The following SPOCK3 variants were observed in gnomAD, a reference collection of about 807,000 sequenced individuals.
SPOCK3 encodes the protein testican-3.
In SPOCK3, 30 loss-of-function variants were observed where a neutral mutation model predicts 56.6. The observed-to-expected ratio is 0.53, with a 90% CI of 0.40 to 0.72. The LOEUF (loss-of-function observed/expected upper bound fraction) is 0.72, where lower values mean the gene tolerates loss of function less well. Ranked by LOEUF, SPOCK3 falls within the 30% of genes least tolerant of loss-of-function variation. The probability of loss-of-function intolerance (pLI) is 0.00; values close to 1 mark genes in which losing one functional copy is unlikely to be tolerated. For synonymous variants in SPOCK3, 196 were observed against 183.3 expected (o/e 1.07, Z -0.56); for missense variants, 527 against 530.0 (o/e 0.99, Z 0.06).
intron 2 of SPOCK3, among the ~76,000 whole-genome samples, chr4:167,205,549 T>C (rs1286445112): frequency 3.4e-5 from 2 of 59,506 alleles, no homozygotes; most frequent in Admixed American, 3.6e-4. Context: ...ATATATTATA[T>C]AATATATAAT....
intron 2 of SPOCK3, among the ~76,000 whole-genome samples, chr4:167,177,569 T>C (rs1184191947): frequency 2.6e-5 from 4 of 151,984 alleles, no homozygotes; most frequent in African/African-American, 9.7e-5. Context: ...GGAAGAGAGC[T>C]CCAGAAGGCA....
chr4:166,785,645 CCT>C (rs746743462), intron 7 of SPOCK3, among the ~76,000 whole-genome samples: 15 of 141,264 alleles, frequency 1.1e-4, no homozygotes, highest in Non-Finnish European at 2.2e-4. Flanking sequence ...AGAAAATCCC[CCT>C]TTCTTTGTAG....
At chr4:166,871,690 C>G (rs1732495963) in intron 6 of SPOCK3, among the ~76,000 whole-genome samples, 1 of 151,638 alleles carries the variant, frequency 6.6e-6, no homozygotes. Flanking sequence ...AGAAACACTA[C>G]AAATAATATA....
intron 2 of SPOCK3, among the ~76,000 whole-genome samples, chr4:167,071,907 T>C (rs891023065): frequency 3.9e-5 from 6 of 152,090 alleles, no homozygotes; most frequent in Non-Finnish European, 7.4e-5. Context: ...TTTTTAATGA[T>C]CGCCATTCTA....
At chr4:167,233,925 C>G in intron 2 of SPOCK3, 60 bp downstream of exon 2, 2 of 1,483,300 alleles carry the variant, frequency 1.3e-6, no homozygotes, top group Non-Finnish European at 1.9e-6. Flanking sequence ...CCGGCGGCCG[C>G]GGCCCCCGCC....
At chr4:167,234,256 C>A in intron 1 of SPOCK3, 83 bp from the exon 2 acceptor site, 1 of 1,380,126 alleles carries the variant, frequency 7.2e-7, no homozygotes, top group South Asian at 1.2e-5. Context: ...CCCTGGAAAA[C>A]ATGCATTAGC....
chr4:166,739,252 A>T (rs1164254544), intron 9 of SPOCK3, among the ~76,000 whole-genome samples: 1 of 151,682 alleles, frequency 6.6e-6, no homozygotes, highest in Non-Finnish European at 1.5e-5. Flanking sequence ...TTATTTATTT[A>T]TTTTTTGAGA....
intron 6 of SPOCK3, among the ~76,000 whole-genome samples, chr4:166,858,191 T>C (rs1166291728): frequency 6.6e-6 from 1 of 152,198 alleles, no homozygotes; most frequent in Non-Finnish European, 1.5e-5. Context: ...TAATACCACA[T>C]AGATAAGAGT....
intron 6 of SPOCK3, among the ~76,000 whole-genome samples, chr4:166,871,936 A>G (rs1382105506): frequency 6.6e-6 from 1 of 151,530 alleles, no homozygotes; most frequent in Admixed American, 6.6e-5. Flanking sequence ...AATTGAGCAT[A>G]CCAATTGAGG....
chr4:167,076,229 A>G (rs1189266535), intron 2 of SPOCK3, among the ~76,000 whole-genome samples: 3 of 151,896 alleles, frequency 2.0e-5, no homozygotes, highest in Admixed American at 6.6e-5. Flanking sequence ...GATACATGCC[A>G]TTATACTTTT....
At chr4:166,818,028 G>A (rs1337841548) in intron 6 of SPOCK3, among the ~76,000 whole-genome samples, 2 of 152,020 alleles carry the variant, frequency 1.3e-5, no homozygotes, top group African/African-American at 4.8e-5. Flanking sequence ...AAGATTCAAA[G>A]AGTTAAATAA....
At chr4:166,932,628 T>A (rs1739921606) in intron 4 of SPOCK3, among the ~76,000 whole-genome samples, 2 of 152,166 alleles carry the variant, frequency 1.3e-5, no homozygotes. Context: ...TTGGTGAATG[T>A]CAACTGATTT....
intron 3 of SPOCK3, among the ~76,000 whole-genome samples, chr4:167,025,115 A>G (rs904461872): frequency 2.6e-5 from 4 of 151,970 alleles, no homozygotes; most frequent in African/African-American, 9.7e-5. Context: ...TATATCTGAA[A>G]ATATCTTCGT....
intron 2 of SPOCK3, among the ~76,000 whole-genome samples, chr4:167,205,551 A>ATATATTATATATATTAT (rs1561322811): frequency 7.0e-5 from 4 of 57,184 alleles, no homozygotes; most frequent in Admixed American, 3.7e-4. Flanking sequence ...ATATTATATA[A>ATATATTATATATATTAT]TATATAATAT....
At chr4:166,788,485 G>A (rs551042716) in intron 7 of SPOCK3, among the ~76,000 whole-genome samples, 5 of 151,848 alleles carry the variant, frequency 3.3e-5, no homozygotes, top group Non-Finnish European at 7.4e-5. Flanking sequence ...ATAGTTTAGA[G>A]AAGCTGTATA....
intron 5 of SPOCK3, among the ~76,000 whole-genome samples, chr4:166,896,184 C>T (rs1735363255): frequency 6.6e-6 from 1 of 152,058 alleles, no homozygotes; most frequent in African/African-American, 2.4e-5. Flanking sequence ...GGGGAGAACC[C>T]TACACACTTC....
intron 4 of SPOCK3, among the ~76,000 whole-genome samples, chr4:166,929,799 G>T (rs1464133236): frequency 6.6e-6 from 1 of 152,082 alleles, no homozygotes; most frequent in African/African-American, 2.4e-5. Flanking sequence ...TACTTAGCTT[G>T]AATTATTAGT....
At chr4:166,972,882 A>C (rs1470506865) in intron 4 of SPOCK3, among the ~76,000 whole-genome samples, 1 of 152,146 alleles carries the variant, frequency 6.6e-6, no homozygotes, top group Admixed American at 6.5e-5. Flanking sequence ...GATTTTCATC[A>C]CACTAAAGTA....
Position 166,798,533 on chromosome 4 carries a change from A to T in SPOCK3, c.590-6244T>A, listed in dbSNP as rs191398996. ...ATCAACAACAAGAACAAAGTGACAG[A>T]AGCTGTTAGAGAATCTGCTTCTTGG... On this transcript the variant is annotated intron_variant, in intron 6 of 10. Coordinates refer to ENST00000357545, the MANE Select transcript of SPOCK3 (RefSeq NM_001040159.2). Among the ~76,000 whole-genome samples, 93 of 152,346 alleles carry T rather than the reference A, an allele frequency of 6.1e-4. 1 individual carries two copies. The highest frequency in any genetic ancestry group is 2.1e-3 in the African/African-American group (89 of 41,592).
Sources: allele counts gnomAD v4.1 joint callset (sites outside exome capture counted in the v4.1 genomes callset), GRCh38; gene constraint gnomAD v4.1.1; transcripts MANE v1.5; gene names NCBI Gene and HGNC (gene_info 2026-07-23, HGNC 2026-07-21).